Variants in AFMID observed in about 807,000 individuals in gnomAD.
The protein encoded by AFMID is kynurenine formamidase.
Under a neutral mutation model 47.5 loss-of-function variants are expected in AFMID, and 39 were observed. That is an observed-to-expected ratio of 0.82 (90% CI 0.64 to 1.07). The LOEUF (loss-of-function observed/expected upper bound fraction) is 1.07. Among genes scored for constraint, AFMID ranks in the 50% least tolerant of loss-of-function variants. The pLI is 0.00. For missense variants in AFMID, 375 were observed against 387.5 expected (o/e 0.97, Z 0.27); for synonymous variants, 130 against 153.2 (o/e 0.85, Z 1.12).
At position 78,207,445 on chromosome 17, in the gene AFMID, G is replaced by A. The variant is rs1461865489; in HGVS notation, c.*508G>A. On this transcript the variant is annotated 3_prime_UTR_variant, in exon 11 of 11. Coordinates refer to ENST00000409257, the MANE Select transcript of AFMID (RefSeq NM_001010982.5). ...ACTACAGGCGCCTGCCATCATGCCTGGCTAATTTTTGTATTTTTAGTAGAG... is the reference window on the plus strand; with the variant it reads ...ACTACAGGCGCCTGCCATCATGCCTAGCTAATTTTTGTATTTTTAGTAGAG... The A allele has an allele frequency of 3.9e-5, 6 of 154,358 alleles. No individual in the cohort carries two copies. Among genetic ancestry groups the A allele is most frequent in the South Asian group, 2.0e-4 (1 of 5,110 alleles). 9.6% of individuals were successfully genotyped at this position (154,358 alleles called of 1,614,324 possible).
intron 1 of AFMID, among the ~76,000 whole-genome samples, chr17:78,187,776 A>G (rs759037446): frequency 2.6e-5 from 4 of 151,806 alleles, no homozygotes; most frequent in Non-Finnish European, 5.9e-5. Flanking sequence ...ACATGGTGAA[A>G]CCCCGTTTCT....
At chr17:78,201,227 G>A (rs1164722708) in intron 2 of AFMID, among the ~76,000 whole-genome samples, 2 of 148,302 alleles carry the variant, frequency 1.3e-5, no homozygotes, top group African/African-American at 4.9e-5. Context: ...CCAGGAGGCA[G>A]AAGTTGCAGT....
chr17:78,204,767 C>T lies in AFMID; in HGVS notation c.394+26C>T, dbSNP rs116342883. The T allele has an allele frequency of 2.0e-4, 317 of 1,614,098 alleles. 1 individual carries two copies. In the African/African-American group the frequency reaches 3.6e-3, roughly 18 times the overall value. On this transcript the variant is annotated intron_variant, in intron 5 of 10. Coordinates refer to ENST00000409257, the MANE Select transcript of AFMID (RefSeq NM_001010982.5). ...GTAATAGGAGTGGTTGCTGCAGGTC[C>T]GAGGGCCGGTGGGCTTTAGGAGGAA...
At position 78,207,165 on chromosome 17, in the gene AFMID, G is replaced by A. The variant is rs914068052; in HGVS notation, c.*228G>A. ...GGAGCTCCAGGGCTGGGGAACGTCC[G>A]CAAGTCAATGCTCAGAGATGCCCGG... is the stretch of plus-strand genomic sequence containing the variant. On this transcript the variant is annotated 3_prime_UTR_variant, in exon 11 of 11. Transcript: ENST00000409257. 6 of 582,194 alleles carry A rather than the reference G, an allele frequency of 1.0e-5. No homozygotes were observed. The highest frequency in any genetic ancestry group is 6.1e-5 in the Admixed American group (2 of 32,678). 36.1% of individuals were successfully genotyped at this position (582,194 alleles called of 1,614,324 possible).
chr17:78,198,670 G>A (rs928486542), intron 2 of AFMID, among the ~76,000 whole-genome samples: 2 of 151,496 alleles, frequency 1.3e-5, no homozygotes, highest in African/African-American at 4.9e-5. Flanking sequence ...TTAGACAGGT[G>A]TGGTGGCGCA....
intron 2 of AFMID, among the ~76,000 whole-genome samples, chr17:78,194,054 G>A (rs898799238): frequency 4.6e-5 from 7 of 151,326 alleles, no homozygotes; most frequent in Non-Finnish European, 8.8e-5. Flanking sequence ...AGAGGCTGAA[G>A]TGGGAGGATT....
chr17:78,188,049 A>G (rs1171576679), intron 1 of AFMID, among the ~76,000 whole-genome samples: 3 of 150,998 alleles, frequency 2.0e-5, no homozygotes, highest in South Asian at 2.1e-4. Context: ...AGGTTACACA[A>G]TGTTTTTGGG....
intron 1 of AFMID, 119 bp downstream of exon 1, chr17:78,187,552 G>A: frequency 2.7e-6 from 3 of 1,092,592 alleles, no homozygotes; most frequent in African/African-American, 1.6e-5. Context: ...CATGCAGAGC[G>A]CCTAGTGCGT....
chr17:78,198,814 A>C (rs183617001), intron 2 of AFMID, among the ~76,000 whole-genome samples: 119 of 151,596 alleles, frequency 7.8e-4, no homozygotes, highest in African/African-American at 2.8e-3. Context: ...GTCTCAAAAA[A>C]ACAAAACAAA....
chr17:78,196,570 C>T (rs9912986), intron 2 of AFMID, among the ~76,000 whole-genome samples: 15,069 of 151,744 alleles, frequency 0.099, 1,163 homozygotes, highest in African/African-American at 0.21. Flanking sequence ...TCCCAGCCAC[C>T]GGGGAGGCTG....
intron 2 of AFMID, among the ~76,000 whole-genome samples, chr17:78,198,462 G>C (rs1265262695): frequency 6.6e-6 from 1 of 150,710 alleles, no homozygotes; most frequent in Non-Finnish European, 1.5e-5. Context: ...AAAAAAATTA[G>C]CCATGCATGG....
At chr17:78,199,878 G>T (rs150385065) in intron 2 of AFMID, among the ~76,000 whole-genome samples, 1 of 152,322 alleles carries the variant, frequency 6.6e-6, no homozygotes, top group South Asian at 2.1e-4. Flanking sequence ...CTGTGAGAAG[G>T]GGGTATCTGG....
In AFMID at chr17:78,204,761, C is replaced by T; in HGVS notation, c.394+20C>T. On this transcript the variant is annotated intron_variant, in intron 5 of 10. Transcript: ENST00000409257. ...CCAAAGGTAATAGGAGTGGTTGCTG[C>T]AGGTCCGAGGGCCGGTGGGCTTTAG... 1 of 1,614,190 alleles carries T rather than the reference C, an allele frequency of 6.2e-7. No individual in the cohort carries two copies. Among genetic ancestry groups the T allele is most frequent in the Non-Finnish European group, 8.5e-7 (1 of 1,180,018 alleles).
chr17:78,188,886 T>C (rs1374541205), intron 1 of AFMID, among the ~76,000 whole-genome samples: 6 of 152,038 alleles, frequency 3.9e-5, no homozygotes, highest in Non-Finnish European at 7.4e-5. Context: ...CATGAGCCAC[T>C]GCGCCTGGCC....
chr17:78,206,098 C>T, intron 10 of AFMID, 48 bp downstream of exon 10: 1 of 1,527,948 alleles, frequency 6.5e-7, no homozygotes, highest in Non-Finnish European at 9.1e-7. Context: ...AGCACAGGTC[C>T]TGTCGCAGCC....
At chr17:78,202,901 G>T (rs1181018986) in intron 4 of AFMID, 150 bp downstream of exon 4, 1 of 977,646 alleles carries the variant, frequency 1.0e-6, no homozygotes, top group African/African-American at 1.6e-5. Flanking sequence ...GAAGTCTCAA[G>T]TCAAATGTGG....
intron 2 of AFMID, among the ~76,000 whole-genome samples, chr17:78,193,915 G>T (rs1251920306): frequency 6.6e-6 from 1 of 150,426 alleles, no homozygotes; most frequent in Non-Finnish European, 1.5e-5. Context: ...GGTGGAGCTT[G>T]CAGTGAGCTG....
At chr17:78,205,548 C>G in intron 8 of AFMID, 30 bp downstream of exon 8, 1 of 1,614,090 alleles carries the variant, frequency 6.2e-7, no homozygotes, top group Non-Finnish European at 8.5e-7. Flanking sequence ...CCTCCCCTGG[C>G]TCACCAGGAG....
chr17:78,205,246 G>A, intron 7 of AFMID, 56 bp downstream of exon 7: 1 of 1,549,604 alleles, frequency 6.5e-7, no homozygotes, highest in African/African-American at 1.4e-5. Flanking sequence ...ATGAGCCTTG[G>A]GGTTTGGGCC....
Sources: gnomAD v4.1 joint callset for allele counts (sites outside exome capture counted in the v4.1 genomes callset) on GRCh38, gnomAD v4.1.1 for gene constraint, MANE v1.5 for transcripts, NCBI Gene and HGNC (gene_info 2026-07-23, HGNC 2026-07-21) for gene names.